Variants in ZNF385B observed in about 807,000 individuals in gnomAD.
ZNF385B encodes the protein zinc finger protein 385B.
A neutral mutation model predicts 39.2 loss-of-function variants in ZNF385B; 23 were observed. The ratio of observed to expected loss-of-function variants is 0.59; its 90% confidence interval spans 0.42 to 0.83. ZNF385B has a LOEUF of 0.83. ZNF385B is among the 40% of genes least tolerant of loss of function. ZNF385B has a pLI of 0.00. For synonymous variants in ZNF385B, 205 were observed against 222.6 expected (o/e 0.92, Z 0.70); for missense variants, 552 against 598.9 (o/e 0.92, Z 0.82).
At chr2:179,796,481 G>C (rs80030420) in intron 1 of ZNF385B, among the ~76,000 whole-genome samples, 2,849 of 152,166 alleles carry the variant, frequency 0.019, 47 homozygotes, top group Non-Finnish European at 0.032. Flanking sequence ...CAGTCCATTT[G>C]AATACACTAT....
chr2:179,734,310 G>C (rs779754214), intron 3 of ZNF385B, among the ~76,000 whole-genome samples: 1 of 152,098 alleles, frequency 6.6e-6, no homozygotes, highest in Non-Finnish European at 1.5e-5. Context: ...TAGTGAAATT[G>C]CTGGGTCAAA....
chr2:179,800,105 TA>T (rs571419218), intron 1 of ZNF385B, among the ~76,000 whole-genome samples: 15 of 152,176 alleles, frequency 9.9e-5, no homozygotes, highest in Middle Eastern at 3.4e-3. Context: ...ATATAGAAAA[TA>T]CATCTTCAGA....
intron 1 of ZNF385B, among the ~76,000 whole-genome samples, chr2:179,803,769 T>C (rs937142108): frequency 2.6e-5 from 4 of 151,926 alleles, no homozygotes; most frequent in African/African-American, 9.7e-5. Context: ...TCAGCCCCTT[T>C]CTTAAAAAAA....
intron 6 of ZNF385B, among the ~76,000 whole-genome samples, chr2:179,453,297 C>G (rs932870708): frequency 3.3e-5 from 5 of 152,106 alleles, no homozygotes; most frequent in African/African-American, 9.7e-5. Context: ...TTGAAAGCAA[C>G]TGGTATTTAG....
intron 3 of ZNF385B, among the ~76,000 whole-genome samples, chr2:179,749,890 T>C (rs1702576384): frequency 6.6e-6 from 1 of 152,108 alleles, no homozygotes; most frequent in African/African-American, 2.4e-5. Flanking sequence ...ATACATATAA[T>C]ATGTAAAAGT....
intron 1 of ZNF385B, among the ~76,000 whole-genome samples, chr2:179,828,498 T>G (rs1707802846): frequency 6.6e-6 from 1 of 152,166 alleles, no homozygotes; most frequent in Admixed American, 6.6e-5. Context: ...TAAGTAAATT[T>G]TTTTAAAAGA....
At chr2:179,787,673 G>T (rs1244502424) in intron 1 of ZNF385B, among the ~76,000 whole-genome samples, 1 of 152,152 alleles carries the variant, frequency 6.6e-6, no homozygotes, top group African/African-American at 2.4e-5. Flanking sequence ...CGTTGAAACG[G>T]TCTAGGCTGT....
intron 3 of ZNF385B, among the ~76,000 whole-genome samples, chr2:179,724,511 T>G (rs1333059127): frequency 1.3e-5 from 2 of 152,124 alleles, no homozygotes; most frequent in Non-Finnish European, 2.9e-5. Flanking sequence ...ACTCTATAAT[T>G]TACCCTATTA....
chr2:179,553,192 C>T (rs1372103455), intron 3 of ZNF385B, among the ~76,000 whole-genome samples: 1 of 148,900 alleles, frequency 6.7e-6, no homozygotes, highest in African/African-American at 2.5e-5. Context: ...TACTGGACCT[C>T]CAAACAGATA....
At chr2:179,628,905 C>A (rs1020080481) in intron 3 of ZNF385B, among the ~76,000 whole-genome samples, 4 of 152,122 alleles carry the variant, frequency 2.6e-5, no homozygotes, top group Non-Finnish European at 5.9e-5. Flanking sequence ...TGAATTTATA[C>A]CCTCATATCC....
At chr2:179,468,628 C>T (rs1017602024) in intron 6 of ZNF385B, among the ~76,000 whole-genome samples, 1 of 152,142 alleles carries the variant, frequency 6.6e-6, no homozygotes, top group Middle Eastern at 3.2e-3. Context: ...ACAAGTAAAA[C>T]ATTTGAATTC....
At chr2:179,723,544 A>C (rs140027941) in intron 3 of ZNF385B, among the ~76,000 whole-genome samples, 1 of 152,206 alleles carries the variant, frequency 6.6e-6, no homozygotes, top group Non-Finnish European at 1.5e-5. Context: ...ATCAAAAAGT[A>C]TGAATCTTAA....
intron 5 of ZNF385B, among the ~76,000 whole-genome samples, chr2:179,493,296 T>C (rs1428780575): frequency 4.6e-5 from 7 of 152,020 alleles, no homozygotes; most frequent in African/African-American, 1.7e-4. Context: ...CAAAAGTGAA[T>C]ACCATATATA....
At chr2:179,806,138 G>C (rs894578785) in intron 1 of ZNF385B, among the ~76,000 whole-genome samples, 3 of 151,966 alleles carry the variant, frequency 2.0e-5, no homozygotes, top group Non-Finnish European at 2.9e-5. Flanking sequence ...AATGTTAAAA[G>C]ACAAGCCAGA....
chr2:179,646,394 A>G (rs1313001643), intron 3 of ZNF385B, among the ~76,000 whole-genome samples: 2 of 152,360 alleles, frequency 1.3e-5, no homozygotes, highest in East Asian at 1.9e-4. Context: ...CGTGGATGAC[A>G]AGAACGAGAC....
intron 1 of ZNF385B, among the ~76,000 whole-genome samples, chr2:179,806,315 A>G (rs1351607629): frequency 6.6e-6 from 1 of 152,186 alleles, no homozygotes; most frequent in East Asian, 1.9e-4. Flanking sequence ...TTCTAAGACA[A>G]CATGCCCCTC....
intron 3 of ZNF385B, among the ~76,000 whole-genome samples, chr2:179,587,912 C>T (rs1246300138): frequency 1.3e-5 from 2 of 152,192 alleles, no homozygotes; most frequent in African/African-American, 4.8e-5. Flanking sequence ...AACAAACTTG[C>T]CCCATGCTTA....
At chr2:179,562,214 C>CA (rs1459654021) in intron 3 of ZNF385B, among the ~76,000 whole-genome samples, 1 of 152,120 alleles carries the variant, frequency 6.6e-6, no homozygotes, top group Non-Finnish European at 1.5e-5. Context: ...AAATGAAATA[C>CA]AAACAGGCTA....
At chr2:179,594,561 G>C (rs1262338523) in intron 3 of ZNF385B, among the ~76,000 whole-genome samples, 1 of 152,194 alleles carries the variant, frequency 6.6e-6, no homozygotes, top group Non-Finnish European at 1.5e-5. Context: ...TATGACTTGA[G>C]CCAGCAAATG....
Sources: allele counts gnomAD v4.1 joint callset (sites outside exome capture counted in the v4.1 genomes callset), GRCh38; gene constraint gnomAD v4.1.1; transcripts MANE v1.5; gene names NCBI Gene and HGNC (gene_info 2026-07-23, HGNC 2026-07-21).